PCDHGA7: variants seen among roughly 807,000 people sequenced by gnomAD.
The protein encoded by PCDHGA7 is protocadherin gamma-A7.
In PCDHGA7, 44 loss-of-function variants were observed where a neutral mutation model predicts 58.3. That is an observed-to-expected ratio of 0.75 (90% CI 0.59 to 0.97). The LOEUF (loss-of-function observed/expected upper bound fraction) is 0.97. Among genes scored for constraint, PCDHGA7 ranks in the 50% least tolerant of loss-of-function variants. The pLI is 0.00. For missense variants in PCDHGA7, 1,266 were observed against 1,188.7 expected, an observed-to-expected ratio of 1.06 and a Z score of -0.96; for synonymous variants, 516 against 504.2, an observed-to-expected ratio of 1.02 and a Z score of -0.31.
intron 1 of PCDHGA7, among the ~76,000 whole-genome samples, chr5:141,434,029 A>C (rs970204484): frequency 2.6e-5 from 4 of 152,126 alleles, no homozygotes; most frequent in Admixed American, 2.6e-4. Context: ...TTCTGGAAGC[A>C]TGGTTTTCTA....
In PCDHGA7 at chr5:141,404,779, C is replaced by T. The variant is rs779433248; in HGVS notation, c.2424+19456C>T. 8.1e-6 allele frequency: 13 copies of T among 1,613,628 alleles called. No individual in the cohort carries two copies. In the Admixed American group the frequency reaches 1.5e-4, roughly 19 times the overall value. ...ATGCTTGGCTCTCCTACCGCCTATT[C>T]AAGGCCAGTGAGCCAGGGCTCTTCT... On this transcript the variant is annotated intron_variant, in intron 1 of 3. Coordinates refer to ENST00000518325, the MANE Select transcript of PCDHGA7 (RefSeq NM_018920.4).
chr5:141,409,000 C>A, intron 1 of PCDHGA7: 4 of 1,613,950 alleles, frequency 2.5e-6, no homozygotes, highest in Non-Finnish European at 3.4e-6. Flanking sequence ...AAGTGACAGC[C>A]ACTGACCAGG....
intron 1 of PCDHGA7, chr5:141,419,335 T>C: frequency 6.2e-7 from 1 of 1,613,886 alleles, no homozygotes; most frequent in Non-Finnish European, 8.5e-7. Context: ...ACTCTCTCAT[T>C]GCCAGCGACC....
At chr5:141,462,833 A>G (rs1488609568) in intron 1 of PCDHGA7, among the ~76,000 whole-genome samples, 1 of 152,082 alleles carries the variant, frequency 6.6e-6, no homozygotes, top group Non-Finnish European at 1.5e-5. Flanking sequence ...GACATTGTAA[A>G]TGTTATATTT....
At chr5:141,443,093 C>T (rs1316602934) in intron 1 of PCDHGA7, among the ~76,000 whole-genome samples, 2 of 151,940 alleles carry the variant, frequency 1.3e-5, no homozygotes, top group African/African-American at 4.8e-5. Flanking sequence ...CAGTCTCCTT[C>T]TCAAGCTGAA....
rs762476625 is a variant in PCDHGA7 at position 141,420,218 on chromosome 5, C to A, written c.2424+34895C>A. On this transcript the variant is annotated intron_variant, in intron 1 of 3. Coordinates refer to ENST00000518325, the MANE Select transcript of PCDHGA7 (RefSeq NM_018920.4). The stretch of plus-strand genomic sequence containing the variant: ...AGATAACCTCAACAAAGATAGCATG[C>A]TACTGGCTAGCATTTTAACTCCCAG... 4 of 1,608,408 alleles carry A rather than the reference C, an allele frequency of 2.5e-6. No individual in the cohort carries two copies. In the South Asian group the frequency reaches 4.4e-5, roughly 18 times the overall value.
intron 1 of PCDHGA7, chr5:141,422,667 G>A (rs1283968031): frequency 1.9e-6 from 3 of 1,607,536 alleles, no homozygotes; most frequent in South Asian, 1.1e-5. Context: ...CCCTCGACCC[G>A]GACAGCAAAC....
intron 3 of PCDHGA7, 93 bp downstream of exon 3, chr5:141,505,574 C>G: frequency 6.3e-7 from 1 of 1,593,636 alleles, no homozygotes; most frequent in South Asian, 1.1e-5. Flanking sequence ...GGATGTCAAA[C>G]CTGTGTAGTT....
At chr5:141,460,067 G>T (rs1168161575) in intron 1 of PCDHGA7, among the ~76,000 whole-genome samples, 1 of 151,996 alleles carries the variant, frequency 6.6e-6, no homozygotes, top group Non-Finnish European at 1.5e-5. Flanking sequence ...AACAGAGTGA[G>T]ACTTCATCTA....
chr5:141,408,549 T>C, intron 1 of PCDHGA7: 1 of 1,614,016 alleles, frequency 6.2e-7, no homozygotes, highest in Non-Finnish European at 8.5e-7. Flanking sequence ...CCTTTAAATA[T>C]TTTTCATGTC....
chr5:141,432,139 TATCCCAGAGAACA>T lies in PCDHGA7; in HGVS notation c.2424+46826_2424+46838del, dbSNP rs745506362. On this transcript the variant is annotated intron_variant, in intron 1 of 3. Transcript: ENST00000518325. The surrounding 1 kb of genome is among the most constrained non-coding windows in gnomAD (Gnocchi z 6.0). ...TCCCTCAGGCCTCCTATTCCGCTTA[TATCCCAGAGAACA>T]ATCCCAGAGGAGTTTCCCTCGTCTC... 1.1e-5 allele frequency: 17 copies of T among 1,613,976 alleles called. No individual in the cohort carries two copies. The highest frequency in any genetic ancestry group is 1.3e-5 in the African/African-American group (1 of 74,892).
Position 141,431,428 on chromosome 5 carries a change from A to G in PCDHGA7, c.2424+46105A>G. The stretch of plus-strand genomic sequence containing the variant: ...CCGACGGGGGCGACCCGGTGCGCAC[A>G]GGCACCGCGCGCATCCGCGTGATGG... On this transcript the variant is annotated intron_variant, in intron 1 of 3. Transcript: ENST00000518325. This position sits in a 1 kb window ranked among gnomAD's most constrained non-coding sequence, Gnocchi z 4.8. The G allele has an allele frequency of 6.2e-7, 1 of 1,613,664 alleles. No individual in the cohort carries two copies. Among genetic ancestry groups the G allele is most frequent in the Non-Finnish European group, 8.5e-7 (1 of 1,179,998 alleles).
chr5:141,428,646 C>T (rs542682298), intron 1 of PCDHGA7: 7 of 170,630 alleles, frequency 4.1e-5, no homozygotes, highest in South Asian at 3.0e-4. Flanking sequence ...CTCCTACTCA[C>T]GTGAGTTCCA....
At chr5:141,500,152 A>C (rs1301287171) in intron 2 of PCDHGA7, among the ~76,000 whole-genome samples, 1 of 151,610 alleles carries the variant, frequency 6.6e-6, no homozygotes, top group African/African-American at 2.4e-5. Flanking sequence ...TTCTTTGTGT[A>C]ATCAAAGAAC....
chr5:141,426,166 G>A (rs545570121), intron 1 of PCDHGA7: 4 of 155,070 alleles, frequency 2.6e-5, no homozygotes, highest in South Asian at 2.0e-4. Context: ...GATTCCATAC[G>A]GATTGGGGTG....
intron 1 of PCDHGA7, chr5:141,393,919 T>C: frequency 6.2e-7 from 1 of 1,613,992 alleles, no homozygotes; most frequent in Non-Finnish European, 8.5e-7. Flanking sequence ...ATTGCCTTCT[T>C]GAGTGTGCAT....
intron 1 of PCDHGA7, chr5:141,393,436 A>G: frequency 1.2e-6 from 2 of 1,614,028 alleles, no homozygotes; most frequent in Middle Eastern, 1.6e-4. Flanking sequence ...GAGGCTGCTC[A>G]CCACCTGGTC....
intron 1 of PCDHGA7, among the ~76,000 whole-genome samples, chr5:141,459,757 G>T (rs1360124889): frequency 6.6e-6 from 1 of 152,162 alleles, no homozygotes; most frequent in Admixed American, 6.6e-5. Flanking sequence ...ATTCTAGTGG[G>T]TGTGTGATAC....
intron 1 of PCDHGA7, chr5:141,468,541 A>G (rs1407685120): frequency 6.6e-6 from 1 of 152,076 alleles, no homozygotes. Context: ...GTTTCCTGAC[A>G]TATTTAACAT....
Sources: allele counts gnomAD v4.1 joint callset (sites outside exome capture counted in the v4.1 genomes callset), GRCh38; gene constraint gnomAD v4.1.1; non-coding constraint Gnocchi (gnomAD v3.1); transcripts MANE v1.5; gene names NCBI Gene and HGNC (gene_info 2026-07-23, HGNC 2026-07-21).